BMAL2: variants seen among roughly 807,000 people sequenced by gnomAD.
BMAL2 encodes basic helix-loop-helix ARNT-like protein 2.
the BMAL2 span, among the ~76,000 whole-genome samples, chr12:27,408,223 A>G: frequency 6.6e-6 from 1 of 152,130 alleles, no homozygotes; most frequent in African/African-American, 2.4e-5. Context: ...AAAAGAGGGA[A>G]TCCTCCCTAA....
chr12:27,402,806 A>C, the BMAL2 span: 5 of 797,488 alleles, frequency 6.3e-6, no homozygotes, highest in East Asian at 1.4e-4. Context: ...AGGTTGGGTT[A>C]TAGGAATCCC....
the BMAL2 span, among the ~76,000 whole-genome samples, chr12:27,372,668 AT>A: frequency 1.1e-3 from 170 of 151,330 alleles, 1 homozygote; most frequent in African/African-American, 3.7e-3. Context: ...ACTTATTATT[AT>A]TTTTTTTTAT....
the BMAL2 span, among the ~76,000 whole-genome samples, chr12:27,417,753 G>C: frequency 6.6e-6 from 1 of 152,126 alleles, no homozygotes; most frequent in Middle Eastern, 3.2e-3. Context: ...CAACACTTTG[G>C]GAGGCCGAGG....
At chr12:27,348,835 G>A in the BMAL2 span, among the ~76,000 whole-genome samples, 1 of 152,146 alleles carries the variant, frequency 6.6e-6, no homozygotes, top group Admixed American at 6.5e-5. Flanking sequence ...CCCTCAAGGA[G>A]CTGTGCCTGG....
At chr12:27,354,468 A>C in the BMAL2 span, among the ~76,000 whole-genome samples, 5 of 152,148 alleles carry the variant, frequency 3.3e-5, no homozygotes, top group Admixed American at 1.3e-4. Flanking sequence ...CCTATTGGGC[A>C]CTGTGCTCCC....
At chr12:27,381,900 G>C in the BMAL2 span, among the ~76,000 whole-genome samples, 1 of 152,174 alleles carries the variant, frequency 6.6e-6, no homozygotes, top group Admixed American at 6.5e-5. Flanking sequence ...AAAAGGGAGT[G>C]AGCAAAGGAT....
the BMAL2 span, among the ~76,000 whole-genome samples, chr12:27,417,760 G>C: frequency 6.6e-6 from 1 of 151,924 alleles, no homozygotes; most frequent in Non-Finnish European, 1.5e-5. Flanking sequence ...TTGGGAGGCC[G>C]AGGCGGGCAG....
At chr12:27,382,169 C>T in the BMAL2 span, among the ~76,000 whole-genome samples, 1 of 152,162 alleles carries the variant, frequency 6.6e-6, no homozygotes, top group African/African-American at 2.4e-5. Flanking sequence ...TTAAATCCTT[C>T]AGCAATGAAA....
the BMAL2 span, among the ~76,000 whole-genome samples, chr12:27,351,025 G>A: frequency 1.3e-4 from 16 of 120,584 alleles, no homozygotes; most frequent in Admixed American, 3.7e-4. Context: ...GTCTTGCTCT[G>A]TCATCCAGGC....
chr12:27,370,583 T>C, the BMAL2 span, among the ~76,000 whole-genome samples: 1 of 152,210 alleles, frequency 6.6e-6, no homozygotes, highest in South Asian at 2.1e-4. Context: ...TGGTTTTGAA[T>C]GGAGAGCTGG....
chr12:27,392,513 A>C, the BMAL2 span, among the ~76,000 whole-genome samples: 2 of 135,374 alleles, frequency 1.5e-5, no homozygotes, highest in Non-Finnish European at 3.3e-5. Flanking sequence ...CTCCAAGGGC[A>C]GGAATATTCC....
chr12:27,360,440 C>G, the BMAL2 span, among the ~76,000 whole-genome samples: 1 of 151,954 alleles, frequency 6.6e-6, no homozygotes, highest in African/African-American at 2.4e-5. Context: ...GATAATTATG[C>G]TGGGGTTAAG....
the BMAL2 span, among the ~76,000 whole-genome samples, chr12:27,377,118 A>G: frequency 0.031 from 4,755 of 151,942 alleles, 97 homozygotes; most frequent in South Asian, 0.09. Flanking sequence ...AACATCGCCT[A>G]TCAGAGTTTT....
the BMAL2 span, among the ~76,000 whole-genome samples, chr12:27,417,918 A>G: frequency 2.0e-5 from 3 of 152,100 alleles, no homozygotes; most frequent in Non-Finnish European, 4.4e-5. Flanking sequence ...GCCTGAACCC[A>G]GGAGGTGGAG....
the BMAL2 span, among the ~76,000 whole-genome samples, chr12:27,372,159 A>T: frequency 6.7e-6 from 1 of 149,706 alleles, no homozygotes; most frequent in Non-Finnish European, 1.5e-5. Context: ...TGAACCTAGG[A>T]AGTGGAGGTT....
the BMAL2 span, among the ~76,000 whole-genome samples, chr12:27,350,137 A>G: frequency 4.6e-5 from 7 of 152,346 alleles, no homozygotes; most frequent in Non-Finnish European, 8.8e-5. Context: ...TTAGCAGACT[A>G]TGAGGCTGTT....
At chr12:27,416,244 T>G in the BMAL2 span, among the ~76,000 whole-genome samples, 1 of 152,116 alleles carries the variant, frequency 6.6e-6, no homozygotes, top group Non-Finnish European at 1.5e-5. Flanking sequence ...TGTCACTGAT[T>G]TCGAGGATTG....
the BMAL2 span, among the ~76,000 whole-genome samples, chr12:27,389,012 G>A: frequency 2.6e-5 from 4 of 152,238 alleles, no homozygotes; most frequent in East Asian, 7.7e-4. Context: ...CTGTCTACAA[G>A]TATCACCCTG....
chr12:27,361,493 G>A, the BMAL2 span, among the ~76,000 whole-genome samples: 2 of 152,106 alleles, frequency 1.3e-5, no homozygotes, highest in Non-Finnish European at 2.9e-5. Context: ...CCACTGAGAA[G>A]TCACTCAATT....
Sources: gnomAD v4.1 joint callset for allele counts (sites outside exome capture counted in the v4.1 genomes callset) on GRCh38, gnomAD v4.1.1 for gene constraint, MANE v1.5 for transcripts, NCBI Gene and HGNC (gene_info 2026-07-23, HGNC 2026-07-21) for gene names.